The following TLE2 variants were observed in gnomAD, a reference collection of about 807,000 sequenced individuals.
TLE2 encodes the protein transducin-like enhancer protein 2.
TLE2 carries 74 observed loss-of-function variants against 97.2 expected under a neutral mutation model. The observed-to-expected ratio is 0.76, with a 90% CI of 0.63 to 0.92. TLE2 has a LOEUF of 0.92. TLE2 is among the 40% of genes least tolerant of loss of function. The pLI, the probability that TLE2 is intolerant of heterozygous loss-of-function variation, is 0.00. For missense variants in TLE2, 1,038 were observed against 1,008.7 expected (o/e 1.03, Z -0.39); for synonymous variants, 499 against 432.1 (o/e 1.15, Z -1.92).
At chr19:3,026,838 T>C (rs1395487157) in intron 4 of TLE2, among the ~76,000 whole-genome samples, 1 of 152,012 alleles carries the variant, frequency 6.6e-6, no homozygotes, top group Non-Finnish European at 1.5e-5. Flanking sequence ...CCCTGAGGTC[T>C]ATCTCAGAAC....
chr19:3,002,543 CTTTGT>C (rs754388494), intron 17 of TLE2, 40 bp from the exon 18 acceptor site: 24 of 1,537,804 alleles, frequency 1.6e-5, no homozygotes, highest in East Asian at 2.5e-5. Flanking sequence ...ACGAGCCCCT[CTTTGT>C]TTTGTGTTGA....
intron 11 of TLE2, 145 bp downstream of exon 11, chr19:3,013,523 TA>T (rs3834644): frequency 0.012 from 7,694 of 653,676 alleles, no homozygotes; most frequent in Non-Finnish European, 0.014. Flanking sequence ...GCAGGAGGTT[TA>T]AAAAAAAAAG....
chr19:2,997,656 AT>A lies in TLE2; in HGVS notation c.*191del, dbSNP rs1254401128. 3.4e-6 allele frequency: 2 copies of A among 582,240 alleles called. No homozygotes were observed. Among genetic ancestry groups the A allele is most frequent in the Non-Finnish European group, 6.2e-6 (2 of 323,500 alleles). 36.1% of individuals were successfully genotyped at this position (582,240 alleles called of 1,614,324 possible). On this transcript the variant is annotated 3_prime_UTR_variant, in exon 20 of 20. Coordinates refer to ENST00000262953, the MANE Select transcript of TLE2 (RefSeq NM_003260.5). ...AGAGAAGTGCGGATGTGATAGATACATTTTATTTCCACCGAGGTCCCCTGCC... is the reference window on the plus strand; with the variant it reads ...AGAGAAGTGCGGATGTGATAGATACATTTATTTCCACCGAGGTCCCCTGCC...
intron 10 of TLE2, 104 bp from the exon 11 acceptor site, chr19:3,013,922 C>T: frequency 1.8e-6 from 2 of 1,105,848 alleles, no homozygotes; most frequent in Non-Finnish European, 2.4e-6. Context: ...AGAATGGGTA[C>T]CCATGACCCA....
chr19:3,018,399 T>A (rs537767921), intron 7 of TLE2, among the ~76,000 whole-genome samples: 1 of 151,858 alleles, frequency 6.6e-6, no homozygotes, highest in South Asian at 2.1e-4. Context: ...TTCAAGCAAT[T>A]CTCTTGCCTC....
intron 17 of TLE2, 147 bp downstream of exon 17, chr19:3,005,290 A>T: frequency 9.0e-7 from 1 of 1,106,046 alleles, no homozygotes; most frequent in Non-Finnish European, 1.3e-6. Flanking sequence ...AAGCCTGTGG[A>T]TGTGTCTGGG....
At position 3,037,297 on chromosome 19, in the gene TLE2, AAAAAC is replaced by A. The variant is rs564384063; in HGVS notation, c.63+8424_63+8428del. On this transcript the variant is annotated intron_variant, in intron 1 of 18. Transcript: ENST00000426948. Reference sequence around the variant, plus strand: ...GAGACTCTGTCTCAAAAACAAAAACAAAAACAAAACAAAACAAAAAGATGTTGGGT... The same window carrying A: ...GAGACTCTGTCTCAAAAACAAAAACAAAAACAAAACAAAAAGATGTTGGGT... Among the ~76,000 whole-genome samples the A allele has an allele frequency of 2.2e-3, 335 of 152,212 alleles. 2 individuals are homozygous for A. Among genetic ancestry groups the A allele is most frequent in the African/African-American group, 7.5e-3 (311 of 41,562 alleles).
At chr19:3,004,590 G>C (rs988076864) in intron 17 of TLE2, among the ~76,000 whole-genome samples, 1 of 136,866 alleles carries the variant, frequency 7.3e-6, no homozygotes, top group Non-Finnish European at 1.5e-5. Flanking sequence ...AGGGAGCTGA[G>C]ATCACAACAC....
intron 5 of TLE2, among the ~76,000 whole-genome samples, chr19:3,021,864 T>C (rs1289992538): frequency 6.6e-6 from 1 of 152,164 alleles, no homozygotes; most frequent in East Asian, 1.9e-4. Flanking sequence ...ATTACAGGTG[T>C]GAGCCACTGC....
intron 11 of TLE2, among the ~76,000 whole-genome samples, chr19:3,012,647 C>A (rs2089620771): frequency 6.6e-6 from 1 of 152,208 alleles, no homozygotes; most frequent in African/African-American, 2.4e-5. Context: ...CCTTGAGCCC[C>A]CACAGAGAGG....
At position 3,010,235 on chromosome 19, in the gene TLE2, A is replaced by C. The variant is rs143667795; in HGVS notation, c.1013-533T>G. 2.6e-4 allele frequency among the ~76,000 whole-genome samples: 40 copies of C among 151,914 alleles called. 1 individual carries two copies. The East Asian group carries it at 7.7e-3, about 29-fold the overall frequency. ...AAAAATTAGCTGGGCATGGTGGTGC[A>C]TGCCCGTAATTCCAGCTACTCAGGA... On this transcript the variant is annotated intron_variant, in intron 12 of 19. Transcript: ENST00000262953.
chr19:3,001,340 C>G (rs942193375), intron 18 of TLE2, among the ~76,000 whole-genome samples: 19 of 152,004 alleles, frequency 1.2e-4, no homozygotes, highest in Admixed American at 5.3e-4. Context: ...GTCTCAAACT[C>G]CTGGCCTCAA....
At chr19:3,016,225 C>G (rs904315033) in intron 8 of TLE2, among the ~76,000 whole-genome samples, 3 of 151,406 alleles carry the variant, frequency 2.0e-5, no homozygotes, top group Non-Finnish European at 4.4e-5. Flanking sequence ...CATGAGCCAC[C>G]GCAACCAGCG....
chr19:3,019,290 C>A lies in TLE2; in HGVS notation c.543G>T (p.Gly181=), dbSNP rs2089785882. The change falls in exon 7 of 20, where the codon GGG becomes GGT. Residue 181 remains glycine, a synonymous_variant. Transcript: ENST00000262953. This position sits in a 1 kb window ranked among gnomAD's most constrained non-coding sequence, Gnocchi z 5.1. ...KEDRAGVEAE[G]SRVERAPSRS... Reference sequence around the variant, plus strand: ...CCCGTGCTGCCCACTCACCTCTGGACCCCTCGGCCTCCACGCCCGCACGGT... The same window carrying A: ...CCCGTGCTGCCCACTCACCTCTGGAACCCTCGGCCTCCACGCCCGCACGGT... 7 of 1,575,426 alleles carry A rather than the reference C, an allele frequency of 4.4e-6. No individual in the cohort carries two copies. Among genetic ancestry groups the A allele is most frequent in the Non-Finnish European group, 5.1e-6 (6 of 1,169,062 alleles).
At chr19:3,032,080 G>A (rs1022616312), upstream of TLE2, among the ~76,000 whole-genome samples, 2 of 150,440 alleles carry the variant, frequency 1.3e-5, no homozygotes, top group African/African-American at 4.9e-5. This position sits in a 1 kb window ranked among gnomAD's most constrained non-coding sequence, Gnocchi z 4.1. Flanking sequence ...ACAGGCTCCC[G>A]CCGCCATGCC....
chr19:3,011,776 G>A (rs765835634), intron 11 of TLE2, among the ~76,000 whole-genome samples: 1 of 152,054 alleles, frequency 6.6e-6, no homozygotes, highest in African/African-American at 2.4e-5. Flanking sequence ...CTTGAACCCG[G>A]GAGGCAGAGG....
chr19:3,018,890 T>C (rs1406330391), intron 7 of TLE2, among the ~76,000 whole-genome samples: 2 of 152,070 alleles, frequency 1.3e-5, no homozygotes, highest in Non-Finnish European at 1.5e-5. Flanking sequence ...AGTGCTGGGA[T>C]TACAGGCATA....
chr19:3,007,691 C>T (rs2089506440), intron 14 of TLE2, among the ~76,000 whole-genome samples: 1 of 152,174 alleles, frequency 6.6e-6, no homozygotes, highest in African/African-American at 2.4e-5. Context: ...AACCGAGGAC[C>T]CACAAAGAAA....
intron 5 of TLE2, among the ~76,000 whole-genome samples, chr19:3,022,605 T>A (rs1329757676): frequency 2.0e-5 from 3 of 152,262 alleles, no homozygotes; most frequent in East Asian, 3.9e-4. Context: ...GTGTAAATGA[T>A]CACACGGGGC....
Sources: gnomAD v4.1 joint callset for allele counts (sites outside exome capture counted in the v4.1 genomes callset) on GRCh38, gnomAD v4.1.1 for gene constraint, Gnocchi (gnomAD v3.1) non-coding constraint, MANE v1.5 for transcripts, NCBI Gene and HGNC (gene_info 2026-07-23, HGNC 2026-07-21) for gene names.